The following OPRM1 variants were observed in gnomAD, a reference collection of about 807,000 sequenced individuals.
OPRM1 encodes opioid receptor mu 1.
In OPRM1, 27 loss-of-function variants were observed where a neutral mutation model predicts 31.8. The observed-to-expected ratio is 0.85, with a 90% CI of 0.63 to 1.17. OPRM1 has a LOEUF of 1.17. OPRM1 is among the 50% of genes most tolerant of loss of function. The probability of loss-of-function intolerance (pLI) is 0.00; values close to 1 mark genes in which losing one functional copy is unlikely to be tolerated. For synonymous variants in OPRM1, 196 were observed against 189.9 expected (o/e 1.03, Z -0.26); for missense variants, 536 against 511.1 (o/e 1.05, Z -0.47).
intron 1 of OPRM1, among the ~76,000 whole-genome samples, chr6:154,029,687 T>C (rs1410418949): frequency 2.0e-5 from 3 of 152,342 alleles, no homozygotes; most frequent in South Asian, 2.1e-4. Context: ...TCTTGAATTG[T>C]AGTTTCCATA....
intron 1 of OPRM1, among the ~76,000 whole-genome samples, chr6:154,020,532 T>C (rs1331354251): frequency 2.0e-5 from 3 of 152,220 alleles, no homozygotes; most frequent in African/African-American, 7.2e-5. Context: ...CTTACATTTG[T>C]AAAGAAGGTT....
chr6:154,140,317 C>T (rs940999493), intron 3 of OPRM1, among the ~76,000 whole-genome samples: 2 of 149,240 alleles, frequency 1.3e-5, no homozygotes, highest in Non-Finnish European at 3.0e-5. Context: ...AAAGTTTAGC[C>T]GTTTATGTTA....
At chr6:154,061,620 G>A (rs976687714) in intron 1 of OPRM1, among the ~76,000 whole-genome samples, 8 of 152,038 alleles carry the variant, frequency 5.3e-5, no homozygotes, top group Non-Finnish European at 8.8e-5. Context: ...GCTAAACATT[G>A]AGTACACATG....
chr6:154,062,952 T>C (rs1400208089), intron 1 of OPRM1, among the ~76,000 whole-genome samples: 1 of 152,024 alleles, frequency 6.6e-6, no homozygotes, highest in Non-Finnish European at 1.5e-5. Context: ...AACATCCTTA[T>C]TTCAATTTCA....
At chr6:154,084,019 C>T (rs1435779895) in intron 1 of OPRM1, among the ~76,000 whole-genome samples, 2 of 146,216 alleles carry the variant, frequency 1.4e-5, no homozygotes, top group African/African-American at 5.1e-5. Context: ...GGAATGGAAA[C>T]GGCCACTTGC....
chr6:154,150,024 A>T (rs1031789531), intron 3 of OPRM1, among the ~76,000 whole-genome samples: 4 of 152,196 alleles, frequency 2.6e-5, no homozygotes, highest in Admixed American at 2.6e-4. Context: ...ACCAAGGCAG[A>T]TTATCTGCTA....
intron 3 of OPRM1, among the ~76,000 whole-genome samples, chr6:154,187,493 C>A (rs983913586): frequency 1.3e-5 from 2 of 152,232 alleles, no homozygotes; most frequent in Non-Finnish European, 2.9e-5. Context: ...GGAGTTCCCA[C>A]ACCCAGAGAT....
intron 3 of OPRM1, among the ~76,000 whole-genome samples, chr6:154,145,345 A>G (rs1042045370): frequency 9.2e-5 from 14 of 152,206 alleles, no homozygotes; most frequent in Admixed American, 7.9e-4. Flanking sequence ...ACAAAAATCA[A>G]CTGTATTTCT....
chr6:154,220,590 C>T lies in OPRM1; in HGVS notation c.1165-26103C>T, dbSNP rs142020349. ...TCAGGATGCAGAGGTTGCAGTGAGCCGAGATCGCACCACTGCACTCCAGCC... is the reference window on the plus strand; with the variant it reads ...TCAGGATGCAGAGGTTGCAGTGAGCTGAGATCGCACCACTGCACTCCAGCC... On this transcript the variant is annotated intron_variant, in intron 3 of 3. Coordinates refer to the OPRM1 transcript ENST00000337049. 1.8e-3 allele frequency among the ~76,000 whole-genome samples: 268 copies of T among 152,168 alleles called. 2 individuals carry two copies. Among genetic ancestry groups the T allele is most frequent in the African/African-American group, 6.2e-3 (256 of 41,492 alleles).
intron 1 of OPRM1, among the ~76,000 whole-genome samples, chr6:154,033,846 A>G (rs1336928954): frequency 6.6e-6 from 1 of 152,160 alleles, no homozygotes; most frequent in Non-Finnish European, 1.5e-5. Flanking sequence ...TTTAATAATA[A>G]TTCTAGAAAG....
At chr6:154,023,482 T>C (rs1240588796) in intron 1 of OPRM1, among the ~76,000 whole-genome samples, 1 of 152,206 alleles carries the variant, frequency 6.6e-6, no homozygotes, top group Non-Finnish European at 1.5e-5. Context: ...AAATATAAGA[T>C]CATATAATCT....
At chr6:154,060,155 A>G (rs1257266587) in intron 1 of OPRM1, among the ~76,000 whole-genome samples, 1 of 152,190 alleles carries the variant, frequency 6.6e-6, no homozygotes, top group Non-Finnish European at 1.5e-5. Context: ...AACTTTACTC[A>G]AGGATTTTAT....
chr6:154,032,919 T>G (rs1159329756), intron 1 of OPRM1, among the ~76,000 whole-genome samples: 2 of 152,242 alleles, frequency 1.3e-5, no homozygotes, highest in East Asian at 3.8e-4. Context: ...AGTGGAAATG[T>G]CTACCAAACT....
chr6:154,133,172 C>G (rs999482162), downstream of OPRM1, among the ~76,000 whole-genome samples: 2 of 151,374 alleles, frequency 1.3e-5, no homozygotes, highest in Middle Eastern at 6.9e-3. Flanking sequence ...CATTGCATAA[C>G]TTTAGATTGC....
At chr6:154,036,852 A>C (rs12190259), upstream of OPRM1, among the ~76,000 whole-genome samples, 18,120 of 151,808 alleles carry the variant, frequency 0.12, 2,185 homozygotes, top group African/African-American at 0.31. Context: ...TATGCACATT[A>C]ATATTCATAT....
intron 3 of OPRM1, among the ~76,000 whole-genome samples, chr6:154,208,116 CCCT>C (rs1298221404): frequency 6.6e-6 from 1 of 152,120 alleles, no homozygotes; most frequent in East Asian, 1.9e-4. Flanking sequence ...TTGATTATAT[CCCT>C]CCTCTGCTCA....
At chr6:154,016,044 T>C (rs1294088) in intron 1 of OPRM1, among the ~76,000 whole-genome samples, 23,891 of 151,980 alleles carry the variant, frequency 0.16, 2,566 homozygotes, top group East Asian at 0.4. Flanking sequence ...GGAAAGAAAG[T>C]TAATAATATC....
At chr6:154,195,882 C>T (rs1192560475) in intron 3 of OPRM1, among the ~76,000 whole-genome samples, 2 of 151,176 alleles carry the variant, frequency 1.3e-5, no homozygotes, top group South Asian at 4.2e-4. Context: ...ACCTCTGCCT[C>T]GCAGGTTCAA....
At chr6:154,153,995 A>C (rs1528047) in intron 3 of OPRM1, among the ~76,000 whole-genome samples, 10,095 of 152,296 alleles carry the variant, frequency 0.066, 972 homozygotes, top group African/African-American at 0.21. Flanking sequence ...TTTTACTAAT[A>C]CCTTTGGTCT....
Sources: gnomAD v4.1 joint callset for allele counts (sites outside exome capture counted in the v4.1 genomes callset) on GRCh38, gnomAD v4.1.1 for gene constraint, MANE v1.5 for transcripts, NCBI Gene and HGNC (gene_info 2026-07-23, HGNC 2026-07-21) for gene names.